The following ZNF248 variants were observed in gnomAD, a reference collection of about 807,000 sequenced individuals.
The protein encoded by ZNF248 is KRAB protein domain.
Under a neutral mutation model 44.3 loss-of-function variants are expected in ZNF248, and 20 were observed. The ratio of observed to expected loss-of-function variants is 0.45; its 90% CI spans 0.32 to 0.66. The LOEUF (loss-of-function observed/expected upper bound fraction) is 0.66. ZNF248 is among the 30% of genes least tolerant of loss of function. The pLI is 0.04. For synonymous variants in ZNF248, 224 were observed against 229.0 expected (o/e 0.98, Z 0.20); for missense variants, 654 against 677.0 (o/e 0.97, Z 0.38).
chr10:37,810,116 G>A (rs2133375477), intron 6 of ZNF248, among the ~76,000 whole-genome samples: 1 of 152,280 alleles, frequency 6.6e-6, no homozygotes. Flanking sequence ...AGCAGACAAA[G>A]CCAGTTAGGC....
intron 6 of ZNF248, among the ~76,000 whole-genome samples, chr10:37,800,960 C>T (rs1371129746): frequency 6.6e-6 from 1 of 151,816 alleles, no homozygotes; most frequent in Admixed American, 6.6e-5. Context: ...TGGGGTTTCA[C>T]CATATTGGCC....
intron 3 of ZNF248, among the ~76,000 whole-genome samples, chr10:37,848,860 T>C (rs2059759395): frequency 6.6e-6 from 1 of 152,180 alleles, no homozygotes; most frequent in Non-Finnish European, 1.5e-5. Context: ...TCTCAACAGC[T>C]GAGTGAATTC....
chr10:37,778,931 C>T (rs1243858613), intron 6 of ZNF248, among the ~76,000 whole-genome samples: 3 of 152,120 alleles, frequency 2.0e-5, no homozygotes, highest in Non-Finnish European at 4.4e-5. Flanking sequence ...GGATACATTC[C>T]TCAACACATA....
intron 6 of ZNF248, among the ~76,000 whole-genome samples, chr10:37,779,038 A>T (rs2132841830): frequency 6.6e-6 from 1 of 152,322 alleles, no homozygotes; most frequent in East Asian, 1.9e-4. Flanking sequence ...TACCAAGCAA[A>T]AAGAGTCCAG....
At chr10:37,814,443 T>C (rs953168666) in intron 6 of ZNF248, among the ~76,000 whole-genome samples, 1 of 152,248 alleles carries the variant, frequency 6.6e-6, no homozygotes, top group Non-Finnish European at 1.5e-5. Context: ...TACATCTTTG[T>C]ATTATAACTC....
chr10:37,771,558 G>T (rs2046227298), downstream of ZNF248, among the ~76,000 whole-genome samples: 1 of 149,448 alleles, frequency 6.7e-6, no homozygotes, highest in Admixed American at 6.7e-5. Context: ...CTCACTCATA[G>T]GTGGGAGTTG....
intron 6 of ZNF248, chr10:37,820,927 C>T (rs2053362986): frequency 6.3e-7 from 1 of 1,590,436 alleles, no homozygotes; most frequent in African/African-American, 1.3e-5. Context: ...TCTAGTAAAC[C>T]TGGCCTCCAA....
chr10:37,784,846 A>G (rs2047698515), intron 6 of ZNF248, among the ~76,000 whole-genome samples: 1 of 152,218 alleles, frequency 6.6e-6, no homozygotes, highest in Non-Finnish European at 1.5e-5. Context: ...AGAGGTTGAG[A>G]GAAAAACAAA....
At chr10:37,807,017 TC>T (rs1189671394) in intron 6 of ZNF248, among the ~76,000 whole-genome samples, 10 of 151,886 alleles carry the variant, frequency 6.6e-5, no homozygotes, top group Non-Finnish European at 1.2e-4. Context: ...AGAGTCTCAC[TC>T]TGTTGCCCAA....
downstream of ZNF248, among the ~76,000 whole-genome samples, chr10:37,773,251 AAAT>A (rs932863538): frequency 2.0e-4 from 31 of 152,150 alleles, no homozygotes; most frequent in African/African-American, 7.2e-4. Context: ...TCTAAAAAAT[AAAT>A]AATAATAATA....
At chr10:37,797,461 C>A (rs1210220397) in intron 6 of ZNF248, among the ~76,000 whole-genome samples, 3 of 152,026 alleles carry the variant, frequency 2.0e-5, no homozygotes, top group African/African-American at 7.2e-5. Context: ...AATTGAACAT[C>A]AACAAAATTA....
At chr10:37,778,500 G>T (rs1301469043) in intron 6 of ZNF248, among the ~76,000 whole-genome samples, 2 of 151,772 alleles carry the variant, frequency 1.3e-5, no homozygotes, top group Non-Finnish European at 2.9e-5. Flanking sequence ...TGTTCACTCT[G>T]ATGGTAGTTT....
chr10:37,809,888 C>T (rs534538515), intron 6 of ZNF248, among the ~76,000 whole-genome samples: 134 of 152,086 alleles, frequency 8.8e-4, no homozygotes, highest in African/African-American at 2.9e-3. Context: ...CTGTTGTGGT[C>T]GTAGAATATA....
At chr10:37,787,265 C>T (rs1484780707) in intron 6 of ZNF248, among the ~76,000 whole-genome samples, 4 of 151,712 alleles carry the variant, frequency 2.6e-5, no homozygotes, top group Non-Finnish European at 4.4e-5. Flanking sequence ...GGTGACAGAG[C>T]AAGACTCTAT....
chr10:37,759,397 G>T, the ZNF248 span, among the ~76,000 whole-genome samples: 34 of 152,086 alleles, frequency 2.2e-4, 1 homozygote, highest in Admixed American at 2.2e-3. Flanking sequence ...CTATACATTG[G>T]GTGCTAGGTC....
the ZNF248 span, among the ~76,000 whole-genome samples, chr10:37,768,379 C>G: frequency 2.0e-5 from 3 of 151,988 alleles, no homozygotes; most frequent in Non-Finnish European, 4.4e-5. Context: ...AAGTAAAGCT[C>G]TCCTCAGCAA....
rs866093155 is a variant in ZNF248, at chr10:37,844,399, G to A, written c.16-6288C>T. On this transcript the variant is annotated intron_variant, in intron 3 of 5. Transcript: ENST00000395867. ...TAAAAGATCTTCATAACTCAACGCC[G>A]TATGAAGAAATAAAGAGCTCTAGTA... Among the ~76,000 whole-genome samples the A allele has an allele frequency of 5.9e-5, 9 of 151,984 alleles. No homozygotes were observed. The South Asian group carries it at 6.2e-4, about 10-fold the overall frequency.
intron 6 of ZNF248, among the ~76,000 whole-genome samples, chr10:37,790,270 CAAAAAA>C (rs35082361): frequency 1.1e-4 from 10 of 91,000 alleles, no homozygotes; most frequent in Non-Finnish European, 1.7e-4. Flanking sequence ...GACTCTGTGT[CAAAAAA>C]AAAAAAAAAA....
chr10:37,805,289 A>G (rs2133282977), intron 6 of ZNF248, among the ~76,000 whole-genome samples: 1 of 152,314 alleles, frequency 6.6e-6, no homozygotes, highest in South Asian at 2.1e-4. Context: ...TTCAATAGGA[A>G]AAGATGATCT....
Sources: allele counts gnomAD v4.1 joint callset (sites outside exome capture counted in the v4.1 genomes callset), GRCh38; gene constraint gnomAD v4.1.1; transcripts MANE v1.5; gene names NCBI Gene and HGNC (gene_info 2026-07-23, HGNC 2026-07-21).